The following SMOC1 variants were observed in gnomAD, a reference collection of about 807,000 sequenced individuals.
SMOC1 encodes the protein SPARC-related modular calcium-binding protein 1.
A neutral mutation model predicts 56.3 loss-of-function variants in SMOC1; 22 were observed. The ratio of observed to expected loss-of-function variants is 0.39; its 90% confidence interval spans 0.28 to 0.56. The LOEUF (loss-of-function observed/expected upper bound fraction) is 0.56, where lower values mean the gene tolerates loss of function less well. Ranked by LOEUF, SMOC1 falls within the 20% of genes least tolerant of loss-of-function variation. The pLI, the probability that SMOC1 is intolerant of heterozygous loss-of-function variation, is 0.61. For missense variants in SMOC1, 509 were observed against 565.4 expected, an observed-to-expected ratio of 0.90 and a Z score of 1.01; for synonymous variants, 193 against 215.0, an observed-to-expected ratio of 0.90 and a Z score of 0.89.
At chr14:69,903,401 G>A (rs889901980) in intron 1 of SMOC1, among the ~76,000 whole-genome samples, 2 of 152,362 alleles carry the variant, frequency 1.3e-5, no homozygotes, top group African/African-American at 4.8e-5. Flanking sequence ...CGTCTGGGAG[G>A]TGTACCCAAC....
At chr14:70,022,727 T>C (rs1273467937) in intron 10 of SMOC1, among the ~76,000 whole-genome samples, 1 of 152,182 alleles carries the variant, frequency 6.6e-6, no homozygotes, top group African/African-American at 2.4e-5. Flanking sequence ...GGGTGCACCC[T>C]CCAGGGCCCA....
At chr14:69,922,648 T>C (rs76980120) in intron 1 of SMOC1, among the ~76,000 whole-genome samples, 1,568 of 152,288 alleles carry the variant, frequency 0.01, 11 homozygotes, top group Non-Finnish European at 0.017. Context: ...AATGATAACC[T>C]GTATGCTGCC....
At position 69,941,598 on chromosome 14, in the gene SMOC1, G is replaced by A. The variant is rs536038710; in HGVS notation, c.100-10540G>A. Among the ~76,000 whole-genome samples, 10 of 152,196 alleles carry A rather than the reference G, an allele frequency of 6.6e-5. No individual in the cohort carries two copies. In the South Asian group the frequency reaches 1.2e-3, roughly 19 times the overall value. ...CCCTTGCCAAAGATTTCCAAAGCTC[G>A]GATCTGAGTTTGTGTTTTACTTCCT... On this transcript the variant is annotated intron_variant, in intron 1 of 11. Transcript: ENST00000361956.
At chr14:69,987,865 T>C (rs1223470941) in intron 5 of SMOC1, among the ~76,000 whole-genome samples, 1 of 152,184 alleles carries the variant, frequency 6.6e-6, no homozygotes, top group African/African-American at 2.4e-5. Flanking sequence ...AAACCCACTG[T>C]CTGTATAGGC....
In SMOC1 at chr14:69,977,472, AAC is replaced by A. The variant is rs201872144; in HGVS notation, c.479-445_479-444del. Among the ~76,000 whole-genome samples, 619 of 152,346 alleles carry A rather than the reference AAC, an allele frequency of 4.1e-3. 2 individuals carry two copies. The highest frequency in any genetic ancestry group is 0.014 in the African/African-American group (584 of 41,580). On this transcript the variant is annotated intron_variant, in intron 4 of 11. Coordinates refer to ENST00000361956, the MANE Select transcript of SMOC1 (RefSeq NM_001034852.3). ...TGGAGAATCGCTGATTTCCTGTCCT[AAC>A]CAGCAAGGGATGTCAATCATTGCCT...
At chr14:70,016,529 A>T (rs1044417715) in intron 10 of SMOC1, among the ~76,000 whole-genome samples, 1 of 152,170 alleles carries the variant, frequency 6.6e-6, no homozygotes, top group African/African-American at 2.4e-5. Flanking sequence ...AGAAAGAGAG[A>T]AACTGCTATC....
At chr14:69,906,641 T>C (rs1241546703) in intron 1 of SMOC1, among the ~76,000 whole-genome samples, 1 of 152,080 alleles carries the variant, frequency 6.6e-6, no homozygotes, top group Non-Finnish European at 1.5e-5. Flanking sequence ...GCTATACAAA[T>C]AGATAACCAG....
rs566181977 is a variant in SMOC1 at position 70,030,276 on chromosome 14, G to A, written c.*18G>A. 1.4e-4 allele frequency: 219 copies of A among 1,613,072 alleles called. 4 individuals are homozygous for A. The South Asian group carries it at 2.3e-3, about 17-fold the overall frequency. ...TCGTCTAAGGAGCAGAAAACCCAAG[G>A]GCAGGTGGAGAGTCCAGGGAGGCAG... On this transcript the variant is annotated 3_prime_UTR_variant, in exon 12 of 12. Transcript: ENST00000361956.
intron 1 of SMOC1, chr14:69,885,995 C>T: frequency 1.9e-6 from 3 of 1,588,268 alleles, no homozygotes; most frequent in South Asian, 1.1e-5. Flanking sequence ...GGTGAGGTCT[C>T]TTTTGGGCTG....
intron 5 of SMOC1, among the ~76,000 whole-genome samples, chr14:69,989,627 G>C (rs567790476): frequency 6.6e-6 from 1 of 152,284 alleles, no homozygotes; most frequent in East Asian, 1.9e-4. Context: ...GAAGTAAAAG[G>C]AGGGGCTCAA....
chr14:69,987,935 G>A (rs1766555067), intron 5 of SMOC1, among the ~76,000 whole-genome samples: 1 of 152,236 alleles, frequency 6.6e-6, no homozygotes, highest in Non-Finnish European at 1.5e-5. Context: ...GACAAGGCGT[G>A]ACTGGGGGTT....
At chr14:69,925,712 G>GCAAA (rs1281937506) in intron 1 of SMOC1, among the ~76,000 whole-genome samples, 1 of 152,206 alleles carries the variant, frequency 6.6e-6, no homozygotes, top group Non-Finnish European at 1.5e-5. Flanking sequence ...ACTGGAGGAA[G>GCAAA]CAAACAAAGA....
At chr14:69,881,747 G>C (rs1362129370) in intron 1 of SMOC1, among the ~76,000 whole-genome samples, 1 of 152,116 alleles carries the variant, frequency 6.6e-6, no homozygotes, top group Non-Finnish European at 1.5e-5. Flanking sequence ...GCTGTCTCGA[G>C]CATGTGGTTA....
chr14:69,903,485 T>C (rs868805379), intron 1 of SMOC1, among the ~76,000 whole-genome samples: 7 of 152,318 alleles, frequency 4.6e-5, no homozygotes, highest in East Asian at 1.9e-4. Flanking sequence ...GGGGAAAAGA[T>C]AGAGAAATCA....
chr14:70,023,101 C>T (rs1208298081), intron 10 of SMOC1, 102 bp from the exon 11 acceptor site: 19 of 1,586,506 alleles, frequency 1.2e-5, no homozygotes, highest in Non-Finnish European at 1.5e-5. Flanking sequence ...TTGGAGGAGC[C>T]GTTTCTACCT....
chr14:69,984,599 T>TC (rs1184692521), intron 5 of SMOC1, among the ~76,000 whole-genome samples: 3 of 151,944 alleles, frequency 2.0e-5, no homozygotes, highest in Non-Finnish European at 4.4e-5. Flanking sequence ...TCCCATCACT[T>TC]CGGGAGGCTA....
chr14:69,949,618 G>A (rs60048839), intron 1 of SMOC1, among the ~76,000 whole-genome samples: 2,838 of 152,298 alleles, frequency 0.019, 90 homozygotes, highest in African/African-American at 0.065. Flanking sequence ...GGAAGAGACC[G>A]CCTGAGCCAA....
At chr14:69,971,340 A>G (rs1594830992) in intron 3 of SMOC1, among the ~76,000 whole-genome samples, 2 of 152,270 alleles carry the variant, frequency 1.3e-5, no homozygotes, top group African/African-American at 4.8e-5. Flanking sequence ...GTTACATTCT[A>G]CAGTACAGTT....
At chr14:69,904,223 G>A (rs1884347203) in intron 1 of SMOC1, among the ~76,000 whole-genome samples, 2 of 152,230 alleles carry the variant, frequency 1.3e-5, no homozygotes, top group Admixed American at 1.3e-4. Flanking sequence ...ATTCACAACA[G>A]AGAGTCAGGA....
Sources: allele counts gnomAD v4.1 joint callset (sites outside exome capture counted in the v4.1 genomes callset), GRCh38; gene constraint gnomAD v4.1.1; transcripts MANE v1.5; gene names NCBI Gene and HGNC (gene_info 2026-07-23, HGNC 2026-07-21).